Variants in KATNIP observed in about 807,000 individuals in gnomAD.
KATNIP encodes the protein katanin-interacting protein.
In KATNIP, 126 loss-of-function variants were observed where a neutral mutation model predicts 174.0. That is an observed-to-expected ratio of 0.72 (90% CI 0.63 to 0.84). KATNIP has a LOEUF of 0.84. Ranked by LOEUF, KATNIP falls within the 40% of genes least tolerant of loss-of-function variation. KATNIP has a pLI of 0.00. For missense variants in KATNIP, 1,958 were observed against 2,109.7 expected, an observed-to-expected ratio of 0.93 and a Z score of 1.41; for synonymous variants, 810 against 835.7, an observed-to-expected ratio of 0.97 and a Z score of 0.53.
chr16:27,585,764 G>C (rs1330558769), intron 2 of KATNIP, among the ~76,000 whole-genome samples: 1 of 152,152 alleles, frequency 6.6e-6, no homozygotes, highest in East Asian at 1.9e-4. Context: ...CAGAGGCTAC[G>C]GAGGGTGGCA....
intron 20 of KATNIP, among the ~76,000 whole-genome samples, chr16:27,769,570 G>A (rs548600034): frequency 8.5e-5 from 13 of 152,296 alleles, no homozygotes; most frequent in African/African-American, 2.6e-4. Flanking sequence ...ATCTCATGCC[G>A]CCCCAGGCCG....
At chr16:27,742,026 A>G (rs1414028266) in intron 15 of KATNIP, among the ~76,000 whole-genome samples, 10 of 150,824 alleles carry the variant, frequency 6.6e-5, no homozygotes, top group South Asian at 2.1e-4. Context: ...AAACTACTGT[A>G]TATGTCAAAA....
At chr16:27,655,120 A>C (rs1004779880) in intron 6 of KATNIP, among the ~76,000 whole-genome samples, 3 of 143,560 alleles carry the variant, frequency 2.1e-5, no homozygotes, top group African/African-American at 5.1e-5. Flanking sequence ...CAAAGAGAGA[A>C]GCTGTCTCAA....
At chr16:27,606,646 T>A (rs1338290952) in intron 2 of KATNIP, among the ~76,000 whole-genome samples, 1 of 152,042 alleles carries the variant, frequency 6.6e-6, no homozygotes, top group Non-Finnish European at 1.5e-5. Context: ...CATTAAAGGA[T>A]CTAGTTGCTA....
chr16:27,681,759 C>T (rs1230929849), intron 8 of KATNIP, among the ~76,000 whole-genome samples: 1 of 152,142 alleles, frequency 6.6e-6, no homozygotes, highest in Non-Finnish European at 1.5e-5. Context: ...TGTGGAGGAG[C>T]GAGTGCGCTG....
intron 1 of KATNIP, among the ~76,000 whole-genome samples, chr16:27,566,706 T>C (rs1180090826): frequency 6.6e-6 from 1 of 152,062 alleles, no homozygotes; most frequent in Non-Finnish European, 1.5e-5. Context: ...CTTGCTTCCT[T>C]GTTGTGTGAC....
At chr16:27,702,671 T>C (rs778728777) in intron 11 of KATNIP, among the ~76,000 whole-genome samples, 3 of 152,218 alleles carry the variant, frequency 2.0e-5, no homozygotes, top group Non-Finnish European at 4.4e-5. Flanking sequence ...GTCGTTTTTC[T>C]GCATGAAGAA....
chr16:27,579,262 G>A (rs1253016017), intron 2 of KATNIP, among the ~76,000 whole-genome samples: 1 of 151,916 alleles, frequency 6.6e-6, no homozygotes, highest in Non-Finnish European at 1.5e-5. Flanking sequence ...CCACTGTGAG[G>A]CCACTGTTGA....
At chr16:27,684,185 C>T (rs1392643524) in intron 8 of KATNIP, among the ~76,000 whole-genome samples, 5 of 152,102 alleles carry the variant, frequency 3.3e-5, no homozygotes, top group South Asian at 2.1e-4. Flanking sequence ...CACACAGCCC[C>T]GTGCAATAGG....
chr16:27,628,774 G>C lies in KATNIP; in HGVS notation c.254G>C (p.Arg85Pro). The change falls in exon 4 of 28, where the codon CGG becomes CCG. Residue 85 changes from arginine to proline, a missense_variant. Coordinates refer to ENST00000261588, the MANE Select transcript of KATNIP (RefSeq NM_015202.5). ...AATTCGGAGCTGAAATCATCACCGC[G>C]GAAAGCTATTCACTCTGACTTCTCC... ...GANSELKSSP[R>P]KAIHSDFSRS... 1 of 1,614,156 alleles carries C rather than the reference G, an allele frequency of 6.2e-7. No homozygotes were observed. The highest frequency in any genetic ancestry group is 1.1e-5 in the South Asian group (1 of 91,088).
intron 15 of KATNIP, among the ~76,000 whole-genome samples, chr16:27,749,297 C>G (rs925155173): frequency 6.6e-6 from 1 of 152,244 alleles, no homozygotes; most frequent in Non-Finnish European, 1.5e-5. Context: ...ATTTTACCGA[C>G]CTGAATGGCC....
At chr16:27,623,204 C>G (rs1173067381) in intron 3 of KATNIP, among the ~76,000 whole-genome samples, 1 of 152,172 alleles carries the variant, frequency 6.6e-6, no homozygotes, top group Non-Finnish European at 1.5e-5. Context: ...AGGCAAGAAA[C>G]AGCAGGAAGG....
intron 3 of KATNIP, among the ~76,000 whole-genome samples, chr16:27,624,524 C>T (rs566411545): frequency 6.6e-6 from 1 of 152,258 alleles, no homozygotes; most frequent in African/African-American, 2.4e-5. Flanking sequence ...GTTCCAGAAA[C>T]AGGCATTGAG....
intron 2 of KATNIP, among the ~76,000 whole-genome samples, chr16:27,599,973 G>A (rs772998842): frequency 1.3e-4 from 20 of 152,060 alleles, no homozygotes; most frequent in Non-Finnish European, 2.8e-4. Context: ...CATCCTTCAG[G>A]TTTTGGTTCT....
In KATNIP at chr16:27,735,613, G is replaced by T. The variant is rs370356070; in HGVS notation, c.1744-4428G>T. The stretch of plus-strand genomic sequence containing the variant: ...CAGGTAAAAGAGTGCTTTGAGAATC[G>T]ACTTTTCTGACAGTCGGCAAATGGT... On this transcript the variant is annotated intron_variant, in intron 14 of 27. Transcript: ENST00000261588. Among the ~76,000 whole-genome samples the T allele has an allele frequency of 9.2e-5, 14 of 152,302 alleles. No individual in the cohort carries two copies. The East Asian group carries it at 2.5e-3, about 27-fold the overall frequency.
At chr16:27,638,017 G>C (rs572274452) in intron 5 of KATNIP, among the ~76,000 whole-genome samples, 7 of 152,248 alleles carry the variant, frequency 4.6e-5, no homozygotes, top group African/African-American at 1.7e-4. Flanking sequence ...GTGTTCCCCT[G>C]ATCCATCGTG....
At chr16:27,725,697 A>G (rs895818701) in intron 14 of KATNIP, among the ~76,000 whole-genome samples, 5 of 152,178 alleles carry the variant, frequency 3.3e-5, no homozygotes, top group Non-Finnish European at 5.9e-5. Context: ...GTGGGCTTCC[A>G]GCAGCTCCCC....
In KATNIP at chr16:27,648,695, T is replaced by C; in HGVS notation, c.500T>C (p.Val167Ala). ...YSDDFELCGDVTLQANNTSED... is the reference protein window; with the variant it reads ...YSDDFELCGDATLQANNTSED... ...GATGATTTTGAGCTGTGTGGGGATG[T>C]GACTCTCCAGGCAAACAACACTTCT... The change falls in exon 6 of 28, where the codon GTG (valine) becomes GCG (alanine). Residue 167 changes from valine (V) to alanine (A), a missense_variant. Val to Ala is a moderately conservative substitution (Grantham distance 64). Around this residue, in one of 3 missense-constraint regions of KATNIP, gnomAD observed 1,557 missense variants for 1,617.8 expected, o/e 0.96. Coordinates refer to ENST00000261588, the MANE Select transcript of KATNIP (RefSeq NM_015202.5). The C allele has an allele frequency of 6.2e-7, 1 of 1,614,190 alleles. No homozygotes were observed.
chr16:27,663,420 ATTTATTTATTTATTTG>A (rs1387268713), intron 6 of KATNIP, among the ~76,000 whole-genome samples: 6 of 150,950 alleles, frequency 4.0e-5, no homozygotes, highest in African/African-American at 1.5e-4. Context: ...ATTGTCATTT[ATTTATTTATTTATTTG>A]TTTATTTATT....
Sources: allele counts gnomAD v4.1 joint callset (sites outside exome capture counted in the v4.1 genomes callset), GRCh38; gene constraint gnomAD v4.1.1; regional missense constraint gnomAD v4.1.1; transcripts MANE v1.5; gene names NCBI Gene and HGNC (gene_info 2026-07-23, HGNC 2026-07-21).